The following ITIH1 variants were observed in gnomAD, a reference collection of about 807,000 sequenced individuals.
ITIH1 encodes inter-alpha-trypsin inhibitor heavy chain 1.
A neutral mutation model predicts 104.6 loss-of-function variants in ITIH1; 94 were observed. The observed-to-expected ratio is 0.90, with a 90% confidence interval of 0.76 to 1.07. The LOEUF (loss-of-function observed/expected upper bound fraction) is 1.07, where lower values mean the gene tolerates loss of function less well. Ranked by LOEUF, ITIH1 falls within the 50% of genes least tolerant of loss-of-function variation. The probability of loss-of-function intolerance (pLI) is 0.00; values close to 1 mark genes in which losing one functional copy is unlikely to be tolerated. For synonymous variants in ITIH1, 455 were observed against 464.4 expected (o/e 0.98, Z 0.26); for missense variants, 1,193 against 1,181.4 (o/e 1.01, Z -0.14).
chr3:52,790,628 G>C, intron 19 of ITIH1, 121 bp from the exon 20 acceptor site: 1 of 959,798 alleles, frequency 1.0e-6, no homozygotes, highest in Non-Finnish European at 1.6e-6. Context: ...CGGCCATCTG[G>C]GGATGAAGGC....
In ITIH1 at chr3:52,781,210, TCTTCTTCTTCTTCTTC is replaced by T. The variant is rs1294300543; in HGVS notation, c.688-729_688-714del. Among the ~76,000 whole-genome samples the T allele has an allele frequency of 3.0e-3, 64 of 21,248 alleles. 3 individuals are homozygous for T. The highest frequency in any genetic ancestry group is 4.7e-3 in the Non-Finnish European group (48 of 10,264). The allele number at this position is 21,248 out of a possible 152,430, so 13.9% of individuals were successfully genotyped here. On this transcript the variant is annotated intron_variant, in intron 6 of 21. Transcript: ENST00000273283. The stretch of plus-strand genomic sequence containing the variant: ...CCTCCTCCTCTTCTTTTTTTTTTTT[TCTTCTTCTTCTTCTTC>T]TTCTTCTTCTTCTTCTTCTTCTTCT...
chr3:52,791,832 C>T lies in ITIH1; in HGVS notation c.2657C>T (p.Ser886Phe). The stretch of plus-strand genomic sequence containing the variant: ...GACCCGTGGCATGGGGCCGAGGTGT[C>T]CTGCTGGTTCATTCACAACAATGGG... ...SKDPWHGAEV[S>F]CWFIHNNGAG... Residue 886 changes from serine to phenylalanine, a missense_variant, in exon 22 of 22, where the codon TCC becomes TTC. Transcript: ENST00000273283. 1 of 1,614,198 alleles carries T rather than the reference C, an allele frequency of 6.2e-7. No individual in the cohort carries two copies. The highest frequency in any genetic ancestry group is 8.5e-7 in the Non-Finnish European group (1 of 1,180,018).
At chr3:52,788,087 G>A (rs774761065) in intron 17 of ITIH1, 21 bp downstream of exon 17, 15 of 1,583,080 alleles carry the variant, frequency 9.5e-6, no homozygotes, top group Non-Finnish European at 1.1e-5. Context: ...GGAAGGGTCT[G>A]AGGGACACCC....
intron 19 of ITIH1, chr3:52,790,522 G>C (rs1699324973): frequency 3.9e-6 from 2 of 508,164 alleles, no homozygotes; most frequent in Non-Finnish European, 3.5e-6. Flanking sequence ...AGTGAGGATT[G>C]AATGATGCAG....
In ITIH1 at chr3:52,791,610, G is replaced by A. The variant is rs1389415082; in HGVS notation, c.2588G>A (p.Arg863His). Reference protein sequence around the residue: ...KPDATMVVRNRRLTVTRGLQK... With the variant: ...KPDATMVVRNHRLTVTRGLQK... Reference sequence around the variant, plus strand: ...GATGCCACGATGGTGGTGAGGAACCGCCGGCTCACGGTCACCAGGTGGGTG... The same window carrying A: ...GATGCCACGATGGTGGTGAGGAACCACCGGCTCACGGTCACCAGGTGGGTG... Residue 863 changes from arginine to histidine, a missense_variant, in exon 21 of 22, where the codon CGC (arginine) becomes CAC (histidine). By Grantham distance (29) the Arg-to-His change is conservative. Transcript: ENST00000273283. 2 of 1,613,876 alleles carry A rather than the reference G, an allele frequency of 1.2e-6. No individual in the cohort carries two copies. The highest frequency in any genetic ancestry group is 2.2e-5 in the East Asian group (1 of 44,884).
At chr3:52,790,468 G>A (rs1401771978) in intron 19 of ITIH1, 3 of 386,060 alleles carry the variant, frequency 7.8e-6, no homozygotes, top group Non-Finnish European at 1.4e-5. Flanking sequence ...GCTACCTTGG[G>A]CAAGTTACTT....
Position 52,777,674 on chromosome 3 carries a change from T to C in ITIH1, c.59T>C (p.Leu20Pro). Residue 20 changes from leucine to proline, a missense_variant, in exon 1 of 22, where the codon CTC becomes CCC. Physicochemically the swap from Leu to Pro is moderately conservative, Grantham distance 98. Coordinates refer to ENST00000273283, the MANE Select transcript of ITIH1 (RefSeq NM_002215.4). ...LLLCMYLVSL[L>P]ILQAMPALGS... ...TTGTGCATGTACCTGGTATCTCTCCTCATCCTGCAGGCCATGCCTGCCCTG... is the reference window on the plus strand; with the variant it reads ...TTGTGCATGTACCTGGTATCTCTCCCCATCCTGCAGGCCATGCCTGCCCTG... The C allele has an allele frequency of 6.2e-7, 1 of 1,606,844 alleles. No homozygotes were observed. Among genetic ancestry groups the C allele is most frequent in the Non-Finnish European group, 8.5e-7 (1 of 1,176,730 alleles).
At chr3:52,786,172 A>C in intron 12 of ITIH1, 123 bp from the exon 13 acceptor site, 2 of 916,176 alleles carry the variant, frequency 2.2e-6, no homozygotes, top group South Asian at 1.7e-5. Context: ...GGCTCAGGGA[A>C]GCAGGTGATG....
Position 52,777,694 on chromosome 3 carries a change from G to A in ITIH1, c.79G>A (p.Ala27Thr). Residue 27 changes from alanine to threonine, a missense_variant, in exon 1 of 22, where the codon GCC becomes ACC. Physicochemically the swap from Ala to Thr is moderately conservative, Grantham distance 58 (BLOSUM62 0). Coordinates refer to ENST00000273283, the MANE Select transcript of ITIH1 (RefSeq NM_002215.4). The part of the protein sequence containing the change: ...VSLLILQAMP[A>T]LGSATGRSKS... ...TCTCCTCATCCTGCAGGCCATGCCT[G>A]CCCTGGGCTCGGCTACAGGCAGGTC... 1 of 1,603,616 alleles carries A rather than the reference G, an allele frequency of 6.2e-7. No individual in the cohort carries two copies.
chr3:52,788,096 C>T (rs1699250003), intron 17 of ITIH1, 30 bp downstream of exon 17: 2 of 1,571,480 alleles, frequency 1.3e-6, no homozygotes, highest in Non-Finnish European at 1.7e-6. Flanking sequence ...TGAGGGACAC[C>T]CCTGTTTGGG....
In ITIH1 at chr3:52,779,605, G is replaced by T; in HGVS notation, c.573+11G>T. On this transcript the variant is annotated intron_variant, in intron 5 of 21. Coordinates refer to ENST00000273283, the MANE Select transcript of ITIH1 (RefSeq NM_002215.4). This position sits in a 1 kb window ranked among gnomAD's most constrained non-coding sequence, Gnocchi z 4.4. ...GTGCATCATTTTGAGGTAGATCACA[G>T]GTCCCGGGGCAGGGGTCCTGCCCCT... 1 of 1,614,056 alleles carries T rather than the reference G, an allele frequency of 6.2e-7. No homozygotes were observed. The highest frequency in any genetic ancestry group is 1.7e-5 in the Admixed American group (1 of 60,024).
At chr3:52,780,170 C>A in intron 5 of ITIH1, 99 bp from the exon 6 acceptor site, 1 of 1,032,256 alleles carries the variant, frequency 9.7e-7, no homozygotes, top group Non-Finnish European at 1.4e-6. Flanking sequence ...GAGGCTGAGG[C>A]AGGAGGACGG....
In ITIH1 at chr3:52,791,889, A is replaced by G. The variant is rs201349304; in HGVS notation, c.2714A>G (p.Tyr905Cys). The change falls in exon 22 of 22, where the codon TAT becomes TGT. Residue 905 changes from tyrosine (Y) to cysteine (C), a missense_variant. Transcript: ENST00000273283. Reference protein sequence around the residue: ...AGLIDGAYTDYIVPDIF With the variant: ...AGLIDGAYTDCIVPDIF ...CTCATCGATGGTGCCTACACTGATT[A>G]TATCGTCCCCGACATCTTCTGAGCC... 1.7e-5 allele frequency: 27 copies of G among 1,613,564 alleles called. No homozygotes were observed. The highest frequency in any genetic ancestry group is 2.3e-5 in the Non-Finnish European group (27 of 1,179,644).
In ITIH1 at chr3:52,784,455, A is replaced by G. The variant is rs1318775307; in HGVS notation, c.1385A>G (p.His462Arg). 12 of 1,614,074 alleles carry G rather than the reference A, an allele frequency of 7.4e-6. No individual in the cohort carries two copies. Among genetic ancestry groups the G allele is most frequent in the Non-Finnish European group, 9.3e-6 (11 of 1,179,960 alleles). Residue 462 changes from histidine (H) to arginine (R), a missense_variant, in exon 11 of 22, where the codon CAT (histidine) becomes CGT (arginine). Physicochemically the swap from His to Arg is conservative, Grantham distance 29 (BLOSUM62 0). Coordinates refer to ENST00000273283, the MANE Select transcript of ITIH1 (RefSeq NM_002215.4). ...NGRAQRIYED[H>R]DATQQLQGFY... ...CGGGCCCAGAGAATCTACGAGGACC[A>G]TGATGCCACCCAGCAGCTGCAGGTC... is the stretch of plus-strand genomic sequence containing the variant.
intron 3 of ITIH1, 193 bp from the exon 4 acceptor site, chr3:52,778,749 G>T: frequency 7.7e-7 from 1 of 1,303,494 alleles, no homozygotes; most frequent in Non-Finnish European, 1.0e-6. Flanking sequence ...GCCAAGGCCA[G>T]AGTCTGAGGC....
Position 52,777,721 on chromosome 3 carries a change from A to C in ITIH1, c.106A>C (p.Lys36Gln). The C allele has an allele frequency of 6.3e-7, 1 of 1,587,558 alleles. No homozygotes were observed. Among genetic ancestry groups the C allele is most frequent in the Non-Finnish European group, 8.6e-7 (1 of 1,167,856 alleles). The change falls in exon 1 of 22, where the codon AAG (lysine) becomes CAG (glutamine). Residue 36 changes from lysine to glutamine, a missense_variant. By Grantham distance (53) the Lys-to-Gln change is moderately conservative. Coordinates refer to ENST00000273283, the MANE Select transcript of ITIH1 (RefSeq NM_002215.4). ...CCTGGGCTCGGCTACAGGCAGGTCC[A>C]AGAGCAGCGAGGTATATGGCTAAGC... ...PALGSATGRS[K>Q]SSEKRQAVDT...
rs1022703715 is a variant in ITIH1 at position 52,781,284 on chromosome 3, T to C, written c.688-656T>C. 7.1e-5 allele frequency among the ~76,000 whole-genome samples: 10 copies of C among 140,290 alleles called. 1 individual carries two copies. Among genetic ancestry groups the C allele is most frequent in the Non-Finnish European group, 6.2e-5 (4 of 64,912 alleles). 92.0% of individuals were successfully genotyped at this position (140,290 alleles called of 152,430 possible). ...CTTCTTCTTCTTCTTCTTCTTCTTC[T>C]TCCTCTTCTTCTTCTTCTGCTTCTT... On this transcript the variant is annotated intron_variant, in intron 6 of 21. Transcript: ENST00000273283.
At chr3:52,778,204 G>C (rs1698950452) in intron 2 of ITIH1, 136 bp from the exon 3 acceptor site, 16 of 1,102,164 alleles carry the variant, frequency 1.5e-5, no homozygotes, top group Non-Finnish European at 2.1e-5. Context: ...CAGAGAGCAG[G>C]GGTCTTCCTG....
rs752838087 is a variant in ITIH1, at chr3:52,791,858, G to A, written c.2683G>A (p.Ala895Thr). ...CTGCTGGTTCATTCACAACAATGGG[G>A]CTGGACTCATCGATGGTGCCTACAC... is the stretch of plus-strand genomic sequence containing the variant. ...VSCWFIHNNGAGLIDGAYTDY... is the reference protein window; with the variant it reads ...VSCWFIHNNGTGLIDGAYTDY... Residue 895 changes from alanine (A) to threonine (T), a missense_variant, in exon 22 of 22, where the codon GCT becomes ACT. By Grantham distance (58) the Ala-to-Thr change is moderately conservative (BLOSUM62 0). Coordinates refer to ENST00000273283, the MANE Select transcript of ITIH1 (RefSeq NM_002215.4). 4.3e-6 allele frequency: 7 copies of A among 1,614,082 alleles called. 1 individual carries two copies. In the South Asian group the frequency reaches 4.4e-5, roughly 10 times the overall value.
Sources: allele counts gnomAD v4.1 joint callset (sites outside exome capture counted in the v4.1 genomes callset), GRCh38; gene constraint gnomAD v4.1.1; non-coding constraint Gnocchi (gnomAD v3.1); transcripts MANE v1.5; gene names NCBI Gene and HGNC (gene_info 2026-07-23, HGNC 2026-07-21).